The following KAZN variants were observed in gnomAD, a reference collection of about 807,000 sequenced individuals.
KAZN encodes kazrin.
In KAZN, 40 loss-of-function variants were observed where a neutral mutation model predicts 87.4. That is an observed-to-expected ratio of 0.46 (90% CI 0.36 to 0.60). The LOEUF is 0.60. Ranked by LOEUF, KAZN falls within the 20% of genes least tolerant of loss-of-function variation. KAZN has a pLI of 0.00. For missense variants in KAZN, 898 were observed against 1,073.9 expected (o/e 0.84, Z 2.29); for synonymous variants, 466 against 458.3 (o/e 1.02, Z -0.22).
Position 15,066,047 on chromosome 1 carries a change from T to A in KAZN, c.1222+294T>A, listed in dbSNP as rs1351890550. On this transcript the variant is annotated intron_variant, in intron 8 of 14. Coordinates refer to ENST00000376030, the MANE Select transcript of KAZN (RefSeq NM_201628.3). The surrounding 1 kb of genome is among the most constrained non-coding windows in gnomAD (Gnocchi z 4.3). ...CGTGTGTGAACCTGTCAACTCTCTGTCGTCTTTGGAGCGATACAGTTGTGT... is the reference window on the plus strand; with the variant it reads ...CGTGTGTGAACCTGTCAACTCTCTGACGTCTTTGGAGCGATACAGTTGTGT... 2 of 1,225,732 alleles carry A rather than the reference T, an allele frequency of 1.6e-6. No homozygotes were observed. Among genetic ancestry groups the A allele is most frequent in the African/African-American group, 3.1e-5 (2 of 64,334 alleles). 75.9% of individuals were successfully genotyped at this position (1,225,732 alleles called of 1,614,324 possible).
At chr1:14,589,255 C>T (rs889300796) in intron 2 of KAZN, among the ~76,000 whole-genome samples, 2 of 151,342 alleles carry the variant, frequency 1.3e-5, no homozygotes, top group Non-Finnish European at 2.9e-5. Flanking sequence ...GCAGAGACAC[C>T]TAATAATGTG....
intron 1 of KAZN, among the ~76,000 whole-genome samples, chr1:14,015,156 C>T (rs939626393): frequency 3.3e-5 from 5 of 152,164 alleles, no homozygotes; most frequent in Non-Finnish European, 5.9e-5. Context: ...TTTGAGAAAA[C>T]GTATTATGAT....
At chr1:14,532,321 G>A (rs1464109914) in intron 2 of KAZN, among the ~76,000 whole-genome samples, 1 of 152,110 alleles carries the variant, frequency 6.6e-6, no homozygotes, top group African/African-American at 2.4e-5. Context: ...CTTAAGTCCT[G>A]TCATGACTCA....
At chr1:14,353,351 A>AG (rs70997138) in intron 2 of KAZN, among the ~76,000 whole-genome samples, 110,700 of 151,264 alleles carry the variant, frequency 0.73, 41,239 homozygotes, top group African/African-American at 0.85. Context: ...CAGCCTCCCA[A>AG]TAGCTGGGAC....
chr1:14,497,740 T>C (rs938393620), intron 2 of KAZN, among the ~76,000 whole-genome samples: 24 of 152,236 alleles, frequency 1.6e-4, no homozygotes, highest in African/African-American at 5.8e-4. Flanking sequence ...AGGGCTTGGC[T>C]TCCAATACAG....
chr1:14,371,105 T>G (rs543009352), intron 2 of KAZN, among the ~76,000 whole-genome samples: 24 of 152,134 alleles, frequency 1.6e-4, no homozygotes, highest in Non-Finnish European at 3.2e-4. Flanking sequence ...TTAGTGTGCA[T>G]CAGAAACACC....
chr1:14,755,086 G>GA (rs763767893), intron 1 of KAZN, among the ~76,000 whole-genome samples: 1 of 49,994 alleles, frequency 2.0e-5, no homozygotes. Flanking sequence ...TACTAAAAAT[G>GA]CAAAAAAAAA....
Position 14,599,404 on chromosome 1 carries a change from C to T in KAZN, c.226+181C>T, listed in dbSNP as rs1395986280. Among the ~76,000 whole-genome samples the T allele has an allele frequency of 6.6e-6, 1 of 152,118 alleles. No individual in the cohort carries two copies. Among genetic ancestry groups the T allele is most frequent in the African/African-American group, 2.4e-5 (1 of 41,434 alleles). ...CCGGCTGGGAGTTGCAGGCTGCTGT[C>T]ATTCACGAAAACCCGAGCGCAGTGT... is the stretch of plus-strand genomic sequence containing the variant. On this transcript the variant is annotated intron_variant, in intron 1 of 14. Transcript: ENST00000376030. This position sits in a 1 kb window ranked among gnomAD's most constrained non-coding sequence, Gnocchi z 4.4.
chr1:13,980,378 G>A, intron 1 of KAZN, among the ~76,000 whole-genome samples: 1 of 152,078 alleles, frequency 6.6e-6, no homozygotes, highest in Admixed American at 6.5e-5. Flanking sequence ...ATATGCTGCT[G>A]ACAAGAAATA....
intron 1 of KAZN, among the ~76,000 whole-genome samples, chr1:14,911,382 G>A (rs998599347): frequency 6.6e-6 from 1 of 152,222 alleles, no homozygotes; most frequent in Admixed American, 6.5e-5. Context: ...AGCACTTCCT[G>A]TTGGCAGTCC....
chr1:14,540,523 G>A (rs542130020), intron 2 of KAZN, among the ~76,000 whole-genome samples: 1 of 152,224 alleles, frequency 6.6e-6, no homozygotes, highest in Admixed American at 6.5e-5. Context: ...CATCCAAAGG[G>A]TGTTGTCACA....
chr1:13,998,569 G>A (rs1639631321), intron 1 of KAZN, among the ~76,000 whole-genome samples: 1 of 151,398 alleles, frequency 6.6e-6, no homozygotes. Flanking sequence ...AGCAGGGGTT[G>A]CAATCCTAGT....
At chr1:14,183,947 C>T (rs74504773) in intron 2 of KAZN, among the ~76,000 whole-genome samples, 8,090 of 152,052 alleles carry the variant, frequency 0.053, 293 homozygotes, top group Non-Finnish European at 0.077. Flanking sequence ...AGTGGGTAGC[C>T]TCTTTGCCTA....
intron 2 of KAZN, among the ~76,000 whole-genome samples, chr1:15,028,798 A>G (rs970563123): frequency 6.6e-6 from 1 of 152,222 alleles, no homozygotes; most frequent in Non-Finnish European, 1.5e-5. Context: ...GCGCCCGTGG[A>G]AAAGAACCAT....
chr1:14,966,202 A>G (rs955673659), intron 2 of KAZN, among the ~76,000 whole-genome samples: 1 of 151,768 alleles, frequency 6.6e-6, no homozygotes, highest in Non-Finnish European at 1.5e-5. Flanking sequence ...CTGGTCTGGA[A>G]CTCTTGACCT....
chr1:14,169,380 A>T lies in KAZN; in HGVS notation c.92-11055A>T, dbSNP rs573805258. 4.6e-5 allele frequency among the ~76,000 whole-genome samples: 7 copies of T among 152,126 alleles called. No homozygotes were observed. The South Asian group carries it at 1.5e-3, about 32-fold the overall frequency. On this transcript the variant is annotated intron_variant, in intron 1 of 16. Coordinates refer to the KAZN transcript ENST00000636203. ...TTCCCACATCCAGACTGCCCATTAGAATGTGGCTGTCCATTCCAGCAGAGT... is the reference window on the plus strand; with the variant it reads ...TTCCCACATCCAGACTGCCCATTAGTATGTGGCTGTCCATTCCAGCAGAGT...
chr1:14,929,114 A>G (rs1659502380), intron 1 of KAZN, among the ~76,000 whole-genome samples: 2 of 152,254 alleles, frequency 1.3e-5, no homozygotes, highest in South Asian at 4.1e-4. Context: ...GTTGTTGGAA[A>G]TTGGACAGGA....
intron 1 of KAZN, among the ~76,000 whole-genome samples, chr1:14,844,724 A>G (rs902118163): frequency 6.6e-6 from 1 of 150,632 alleles, no homozygotes; most frequent in African/African-American, 2.4e-5. Flanking sequence ...CTTGGCTTCC[A>G]CCAGGTTGGT....
At chr1:14,021,885 T>C (rs1640840984) in intron 1 of KAZN, among the ~76,000 whole-genome samples, 1 of 149,676 alleles carries the variant, frequency 6.7e-6, no homozygotes, top group Admixed American at 6.7e-5. Context: ...AATTATGAGA[T>C]GCAAACAGGA....
Sources: allele counts gnomAD v4.1 joint callset (sites outside exome capture counted in the v4.1 genomes callset), GRCh38; gene constraint gnomAD v4.1.1; non-coding constraint Gnocchi (gnomAD v3.1); transcripts MANE v1.5; gene names NCBI Gene and HGNC (gene_info 2026-07-23, HGNC 2026-07-21).